Variants in RBM25 observed in about 807,000 individuals in gnomAD.
RBM25 encodes RNA binding motif protein 25.
Under a neutral mutation model 120.7 loss-of-function variants are expected in RBM25, and 19 were observed. The observed-to-expected ratio is 0.16, with a 90% CI of 0.11 to 0.23. RBM25 has a LOEUF of 0.23. Ranked by LOEUF, RBM25 falls within the 10% of genes least tolerant of loss-of-function variation. The pLI is 1.00. For synonymous variants in RBM25, 390 were observed against 326.7 expected, an observed-to-expected ratio of 1.19 and a Z score of -2.09; for missense variants, 605 against 1,041.5, an observed-to-expected ratio of 0.58 and a Z score of 5.77.
At chr14:73,068,676 T>TAGGA (rs1895202330) in intron 1 of RBM25, 1 of 338,328 alleles carries the variant, frequency 3.0e-6, no homozygotes, top group African/African-American at 2.1e-5. Context: ...GCACGCTTCC[T>TAGGA]TGGCTGGACT....
chr14:73,107,538 A>G, intron 12 of RBM25: 1 of 294,734 alleles, frequency 3.4e-6, no homozygotes, highest in Admixed American at 5.2e-5. Flanking sequence ...ATAGAAAATA[A>G]TAAAAACACC....
Position 73,110,943 on chromosome 14 carries a change from A to G in RBM25, c.1805A>G (p.Glu602Gly). Residue 602 changes from glutamate (E) to glycine (G), a missense_variant, in exon 15 of 19, where the codon GAA becomes GGA. Coordinates refer to ENST00000261973, the MANE Select transcript of RBM25 (RefSeq NM_021239.3). ...EKEEKREEPM[E>G]EEEEPEQKPC... is the part of the protein sequence containing the mutation. ...GAAGAAAAACGAGAAGAACCCATGG[A>G]AGAGGAAGAGGAGCCAGAGCAAAAG... 1.9e-6 allele frequency: 3 copies of G among 1,612,550 alleles called. No homozygotes were observed. Among genetic ancestry groups the G allele is most frequent in the African/African-American group, 1.3e-5 (1 of 75,054 alleles).
intron 2 of RBM25, among the ~76,000 whole-genome samples, chr14:73,074,306 A>G (rs1037603796): frequency 6.6e-6 from 1 of 152,104 alleles, no homozygotes; most frequent in African/African-American, 2.4e-5. Flanking sequence ...TGTGGCCTCT[A>G]TCTCCTGGAC....
chr14:73,111,592 C>T lies in RBM25; in HGVS notation c.2082C>T (p.Val694=). Residue 694 remains valine (V), a synonymous_variant, in exon 16 of 19, where the codon GTC becomes GTT. Coordinates refer to ENST00000261973, the MANE Select transcript of RBM25 (RefSeq NM_021239.3). ...GAAAGAAACTACCTGTAGATAGTGT[C>T]TTTAACAAATTTGAGGATGAAGACA... ...VKRKKLPVDS[V]FNKFEDEDSD... 1 of 1,613,998 alleles carries T rather than the reference C, an allele frequency of 6.2e-7. No homozygotes were observed. Among genetic ancestry groups the T allele is most frequent in the Non-Finnish European group, 8.5e-7 (1 of 1,179,960 alleles).
rs1896297214 is a variant in RBM25, at chr14:73,110,893, G to A, written c.1755G>A (p.Glu585=). The change falls in exon 15 of 19, where the codon GAG becomes GAA. Residue 585 remains glutamate (E), a synonymous_variant. Coordinates refer to ENST00000261973, the MANE Select transcript of RBM25 (RefSeq NM_021239.3). ...TAAAGCAAGAGCCAGAATCAGAAGAGGAGGAAGAAGAAAAGCAAGAAAAAG... is the reference window on the plus strand; with the variant it reads ...TAAAGCAAGAGCCAGAATCAGAAGAAGAGGAAGAAGAAAAGCAAGAAAAAG... ...PQIKQEPESE[E]EEEEKQEKEE... 2.5e-6 allele frequency: 4 copies of A among 1,613,202 alleles called. No individual in the cohort carries two copies. The highest frequency in any genetic ancestry group is 1.7e-5 in the Admixed American group (1 of 59,836).
chr14:73,083,314 T>C (rs1207830224), intron 4 of RBM25, among the ~76,000 whole-genome samples, 180 bp from the exon 5 acceptor site: 1 of 152,194 alleles, frequency 6.6e-6, no homozygotes, highest in Non-Finnish European at 1.5e-5. Flanking sequence ...TTTAAATGAT[T>C]TGTTGTTCAT....
chr14:73,060,753 C>CA (rs1286576039), intron 1 of RBM25, among the ~76,000 whole-genome samples: 1 of 151,266 alleles, frequency 6.6e-6, no homozygotes, highest in Non-Finnish European at 1.5e-5. Flanking sequence ...TTCAGATTTA[C>CA]AAAAAAAGTT....
chr14:73,099,894 A>G, intron 9 of RBM25, 144 bp downstream of exon 9: 2 of 1,255,934 alleles, frequency 1.6e-6, no homozygotes, highest in Non-Finnish European at 1.0e-6. Flanking sequence ...AGAAAAAAGA[A>G]ACAGAAGACC....
At chr14:73,119,527 A>T (rs1268468124) in intron 18 of RBM25, among the ~76,000 whole-genome samples, 186 bp from the exon 19 acceptor site, 1 of 152,186 alleles carries the variant, frequency 6.6e-6, no homozygotes, top group Non-Finnish European at 1.5e-5. Flanking sequence ...GGCCTCCCAA[A>T]ATGCTGGGAT....
intron 1 of RBM25, among the ~76,000 whole-genome samples, chr14:73,060,732 T>C (rs953163111): frequency 3.3e-5 from 5 of 151,606 alleles, no homozygotes; most frequent in Admixed American, 1.3e-4. Context: ...AACTTTTTAT[T>C]TAGACATAAT....
At chr14:73,068,387 A>ATG (rs1895193614) in intron 1 of RBM25, 8 of 476,612 alleles carry the variant, frequency 1.7e-5, no homozygotes, top group African/African-American at 1.4e-4. Context: ...CTTGTATTTG[A>ATG]TTTTTTTTTT....
intron 10 of RBM25, among the ~76,000 whole-genome samples, chr14:73,105,487 A>G (rs1165083831): frequency 6.6e-6 from 1 of 152,140 alleles, no homozygotes; most frequent in African/African-American, 2.4e-5. Context: ...TTAGTCCTTC[A>G]TATTTCTTTT....
intron 2 of RBM25, among the ~76,000 whole-genome samples, chr14:73,073,910 A>T (rs1445045424): frequency 6.6e-6 from 1 of 152,216 alleles, no homozygotes; most frequent in Non-Finnish European, 1.5e-5. Context: ...ACTGATTTTA[A>T]GTAGTAACTT....
At position 73,058,699 on chromosome 14, in the gene RBM25, G is replaced by A. The variant is rs1393264218; in HGVS notation, c.-22G>A. 1.3e-5 allele frequency: 2 copies of A among 152,168 alleles called. No individual in the cohort carries two copies. The highest frequency in any genetic ancestry group is 4.8e-5 in the African/African-American group (2 of 41,434). 9.4% of individuals were successfully genotyped at this position (152,168 alleles called of 1,614,324 possible). On this transcript the variant is annotated 5_prime_UTR_variant, in exon 1 of 19. Coordinates refer to ENST00000261973, the MANE Select transcript of RBM25 (RefSeq NM_021239.3). ...TCGCGAAGGCAGTACCGTTTCCTCA[G>A]CGGCGGGTGAGTTTGTGTCTCTGAA...
At chr14:73,096,291 A>G (rs1895940620) in intron 6 of RBM25, among the ~76,000 whole-genome samples, 1 of 152,132 alleles carries the variant, frequency 6.6e-6, no homozygotes, top group African/African-American at 2.4e-5. Flanking sequence ...AATTATTGAT[A>G]AAGACCTACA....
chr14:73,085,585 C>T (rs964072092), intron 5 of RBM25, among the ~76,000 whole-genome samples: 3 of 151,896 alleles, frequency 2.0e-5, no homozygotes, highest in Non-Finnish European at 4.4e-5. Context: ...GCCAGGATTA[C>T]AGGCGCCCAC....
intron 1 of RBM25, among the ~76,000 whole-genome samples, chr14:73,063,806 A>G (rs923264931): frequency 6.6e-6 from 1 of 151,098 alleles, no homozygotes; most frequent in East Asian, 1.9e-4. Context: ...CAAGTCAGAA[A>G]CTCTTCAAAT....
intron 4 of RBM25, among the ~76,000 whole-genome samples, chr14:73,078,644 C>T (rs1478286197): frequency 6.6e-6 from 1 of 152,154 alleles, no homozygotes; most frequent in African/African-American, 2.4e-5. Context: ...TTTGCTCTGT[C>T]ACACAGGCTG....
chr14:73,084,118 A>G (rs924861273), intron 5 of RBM25, among the ~76,000 whole-genome samples: 2 of 151,874 alleles, frequency 1.3e-5, no homozygotes, highest in Non-Finnish European at 2.9e-5. Flanking sequence ...GGCTGGTCTC[A>G]AACTCCTGAC....
Sources: allele counts gnomAD v4.1 joint callset (sites outside exome capture counted in the v4.1 genomes callset), GRCh38; gene constraint gnomAD v4.1.1; transcripts MANE v1.5; gene names NCBI Gene and HGNC (gene_info 2026-07-23, HGNC 2026-07-21).